Variants in SCAND3 observed in about 807,000 individuals in gnomAD.
SCAND3 encodes SCAN domain containing 3, also known as SCAN domain-containing protein 3.
the SCAND3 span, among the ~76,000 whole-genome samples, chr6:28,613,983 G>A: frequency 3.4e-4 from 49 of 145,774 alleles, no homozygotes; most frequent in South Asian, 6.7e-3. Flanking sequence ...TTTTTTTTTA[G>A]ATGGAGTTTC....
At chr6:28,604,929 G>A in the SCAND3 span, among the ~76,000 whole-genome samples, 2 of 152,138 alleles carry the variant, frequency 1.3e-5, no homozygotes, top group African/African-American at 4.8e-5. Flanking sequence ...ACTCGGGGAA[G>A]TTTTCTTTCA....
At chr6:28,573,081 A>C in the SCAND3 span, 14 of 1,608,196 alleles carry the variant, frequency 8.7e-6, no homozygotes, top group African/African-American at 2.7e-5. Flanking sequence ...TTGTAGGCAA[A>C]GAGGCTGAAA....
At chr6:28,578,488 A>T in the SCAND3 span, among the ~76,000 whole-genome samples, 2 of 152,222 alleles carry the variant, frequency 1.3e-5, no homozygotes, top group Non-Finnish European at 2.9e-5. Context: ...ACTTTATAAT[A>T]AAATAACAAT....
the SCAND3 span, chr6:28,590,578 A>T: frequency 6.6e-6 from 1 of 152,240 alleles, no homozygotes; most frequent in Non-Finnish European, 1.5e-5. Flanking sequence ...AATTAGAAAC[A>T]AGTATTTGTG....
At chr6:28,599,106 T>C in the SCAND3 span, among the ~76,000 whole-genome samples, 2 of 152,088 alleles carry the variant, frequency 1.3e-5, no homozygotes, top group Non-Finnish European at 2.9e-5. Context: ...TCTAACCAGT[T>C]ATGTACAAGA....
chr6:28,596,291 A>G, the SCAND3 span, among the ~76,000 whole-genome samples: 10 of 152,178 alleles, frequency 6.6e-5, no homozygotes, highest in Non-Finnish European at 2.9e-5. Flanking sequence ...AAAAAGAATA[A>G]GCTTTCACTT....
At chr6:28,576,055 A>G in the SCAND3 span, 3 of 1,613,724 alleles carry the variant, frequency 1.9e-6, no homozygotes, top group Non-Finnish European at 2.5e-6. Context: ...TTCTGGTTCA[A>G]TTTCTGCTTC....
At chr6:28,595,180 G>A in the SCAND3 span, among the ~76,000 whole-genome samples, 43,124 of 110,102 alleles carry the variant, frequency 0.39, 9,452 homozygotes, top group African/African-American at 0.63. Flanking sequence ...CAACATGGTG[G>A]AACCCCGTCA....
chr6:28,607,151 T>C, the SCAND3 span, among the ~76,000 whole-genome samples: 144 of 152,308 alleles, frequency 9.5e-4, no homozygotes, highest in Middle Eastern at 0.01. Context: ...AACCTGTCTG[T>C]GGTTGGGGGT....
the SCAND3 span, among the ~76,000 whole-genome samples, chr6:28,612,645 C>T: frequency 5.8e-3 from 876 of 152,224 alleles, 5 homozygotes; most frequent in Admixed American, 0.011. Flanking sequence ...ATATTTCATA[C>T]GAATCAAAAC....
the SCAND3 span, chr6:28,598,119 C>T: frequency 1.3e-5 from 2 of 152,158 alleles, no homozygotes; most frequent in African/African-American, 4.8e-5. Context: ...TCGGGTGGGG[C>T]AATCCTTCCT....
At chr6:28,615,557 C>T in the SCAND3 span, among the ~76,000 whole-genome samples, 8 of 147,836 alleles carry the variant, frequency 5.4e-5, no homozygotes, top group Non-Finnish European at 1.2e-4. Context: ...GCCATGATCG[C>T]GCCACTGCAC....
the SCAND3 span, among the ~76,000 whole-genome samples, chr6:28,609,630 G>C: frequency 6.6e-6 from 1 of 152,164 alleles, no homozygotes; most frequent in Non-Finnish European, 1.5e-5. Flanking sequence ...GGTGAAATTG[G>C]ATGAAGGACT....
the SCAND3 span, among the ~76,000 whole-genome samples, chr6:28,580,164 G>A: frequency 6.6e-5 from 10 of 151,972 alleles, no homozygotes; most frequent in Non-Finnish European, 1.5e-4. Flanking sequence ...TATTCTTGCC[G>A]GGCATGGTGG....
chr6:28,573,646 G>A, the SCAND3 span: 1 of 1,612,420 alleles, frequency 6.2e-7, no homozygotes, highest in African/African-American at 1.3e-5. Context: ...ATCAATTACA[G>A]CTACAAAACC....
the SCAND3 span, chr6:28,589,179 C>T: frequency 6.6e-6 from 1 of 152,196 alleles, no homozygotes; most frequent in Admixed American, 6.5e-5. Flanking sequence ...ATGCTCCCAA[C>T]AAAAGCGCAG....
the SCAND3 span, chr6:28,572,040 A>C: frequency 1.9e-6 from 3 of 1,614,104 alleles, no homozygotes; most frequent in East Asian, 4.5e-5. The surrounding 1 kb of genome is among the most constrained non-coding windows in gnomAD (Gnocchi z 4.1). Context: ...TAACACTTAA[A>C]GTAGAGAATC....
At chr6:28,615,582 CAG>C in the SCAND3 span, among the ~76,000 whole-genome samples, 1 of 123,930 alleles carries the variant, frequency 8.1e-6, no homozygotes, top group Non-Finnish European at 1.6e-5. Context: ...GCCTAGGCAA[CAG>C]AGAGAGACTC....
chr6:28,606,331 C>T, the SCAND3 span, among the ~76,000 whole-genome samples: 1 of 152,056 alleles, frequency 6.6e-6, no homozygotes, highest in Non-Finnish European at 1.5e-5. Flanking sequence ...GGAGGTGCCT[C>T]AGAAGTCAAT....
Sources: gnomAD v4.1 joint callset for allele counts (sites outside exome capture counted in the v4.1 genomes callset) on GRCh38, gnomAD v4.1.1 for gene constraint, Gnocchi (gnomAD v3.1) non-coding constraint, MANE v1.5 for transcripts, NCBI Gene and HGNC (gene_info 2026-07-23, HGNC 2026-07-21) for gene names.